CLVS1: variants seen among roughly 807,000 people sequenced by gnomAD.
The protein encoded by CLVS1 is clavesin-1.
CLVS1 carries 10 observed loss-of-function variants against 33.1 expected under a neutral mutation model. That is an observed-to-expected ratio of 0.30 (90% confidence interval 0.19 to 0.51). The LOEUF (loss-of-function observed/expected upper bound fraction) is 0.51, where lower values mean the gene tolerates loss of function less well. Ranked by LOEUF, CLVS1 falls within the 20% of genes least tolerant of loss-of-function variation. The probability of loss-of-function intolerance (pLI) is 0.97; values close to 1 mark genes in which losing one functional copy is unlikely to be tolerated. For missense variants in CLVS1, 343 were observed against 433.4 expected (o/e 0.79, Z 1.85); for synonymous variants, 163 against 166.1 (o/e 0.98, Z 0.14).
chr8:61,068,285 A>G (rs181027172), intron 1 of CLVS1, among the ~76,000 whole-genome samples: 60 of 149,992 alleles, frequency 4.0e-4, no homozygotes, highest in East Asian at 3.5e-3. Flanking sequence ...ACATATCAAA[A>G]AGCTACCACT....
chr8:61,036,525 G>A, the CLVS1 span, among the ~76,000 whole-genome samples: 2 of 152,176 alleles, frequency 1.3e-5, no homozygotes, highest in African/African-American at 4.8e-5. Context: ...CGTTGACTAT[G>A]GCTTGACTTT....
chr8:61,376,798 C>T lies in CLVS1; in HGVS notation c.630+19C>T, dbSNP rs954414007. On this transcript the variant is annotated intron_variant, in intron 3 of 5. Transcript: ENST00000325897. ...GTTGCAGGTATGTTCAATGAATGCG[C>T]AATACAAGACCATGTGTGGCAACAT... 9 of 1,582,088 alleles carry T rather than the reference C, an allele frequency of 5.7e-6. No homozygotes were observed. The highest frequency in any genetic ancestry group is 1.3e-5 in the African/African-American group (1 of 74,146).
chr8:61,065,247 A>G (rs2129278862), intron 1 of CLVS1, among the ~76,000 whole-genome samples: 1 of 152,354 alleles, frequency 6.6e-6, no homozygotes, highest in East Asian at 1.9e-4. Flanking sequence ...AACACAATGT[A>G]TTAGATAATG....
chr8:61,459,519 A>G (rs1817290697), intron 5 of CLVS1, among the ~76,000 whole-genome samples: 2 of 139,224 alleles, frequency 1.4e-5, no homozygotes, highest in Non-Finnish European at 3.1e-5. Flanking sequence ...CTTCCCCCCA[A>G]GTCCCCAAAG....
intron 3 of CLVS1, among the ~76,000 whole-genome samples, chr8:61,423,066 T>C (rs1815743480): frequency 6.6e-6 from 1 of 152,058 alleles, no homozygotes; most frequent in Admixed American, 6.5e-5. Context: ...GCTACAAGGA[T>C]CAAAGTGCAT....
intron 5 of CLVS1, among the ~76,000 whole-genome samples, chr8:61,489,577 G>A (rs1007299254): frequency 5.3e-5 from 8 of 152,174 alleles, no homozygotes; most frequent in African/African-American, 1.9e-4. Context: ...AGATTGTCGT[G>A]AAGATTAAAT....
chr8:61,004,211 G>A, the CLVS1 span, among the ~76,000 whole-genome samples: 1 of 152,212 alleles, frequency 6.6e-6, no homozygotes, highest in African/African-American at 2.4e-5. Context: ...AGAAAGCCTC[G>A]GGTGGGTGTT....
intron 1 of CLVS1, among the ~76,000 whole-genome samples, chr8:61,090,307 C>T (rs1805213744): frequency 6.6e-6 from 1 of 152,200 alleles, no homozygotes; most frequent in South Asian, 2.1e-4. Context: ...CTTCAGAAGT[C>T]ACGTGTACTT....
intron 3 of CLVS1, among the ~76,000 whole-genome samples, chr8:61,422,429 A>G (rs1815715692): frequency 6.6e-6 from 1 of 152,234 alleles, no homozygotes; most frequent in Non-Finnish European, 1.5e-5. Context: ...GGACAAATAA[A>G]TAAATAATTA....
chr8:61,077,211 C>T (rs1351864226), intron 1 of CLVS1, among the ~76,000 whole-genome samples: 20 of 148,586 alleles, frequency 1.3e-4, no homozygotes, highest in Non-Finnish European at 4.5e-5. Context: ...GTAGCTGGGA[C>T]TACAGGCGCC....
At chr8:61,409,320 C>G (rs1262095369) in intron 3 of CLVS1, among the ~76,000 whole-genome samples, 1 of 152,074 alleles carries the variant, frequency 6.6e-6, no homozygotes, top group Non-Finnish European at 1.5e-5. Flanking sequence ...GTTACATAAA[C>G]AGAAGTATAT....
At chr8:61,471,175 T>C (rs899098901) in intron 5 of CLVS1, among the ~76,000 whole-genome samples, 2 of 152,230 alleles carry the variant, frequency 1.3e-5, no homozygotes, top group Non-Finnish European at 2.9e-5. Context: ...GGGCAGGCCA[T>C]GTAACCTTGC....
chr8:61,175,943 G>A (rs564154664), intron 2 of CLVS1, among the ~76,000 whole-genome samples: 38 of 152,202 alleles, frequency 2.5e-4, no homozygotes, highest in African/African-American at 9.2e-4. Flanking sequence ...CTTGTAAGGG[G>A]GCAAGAAGTT....
chr8:61,085,922 G>A (rs1332333955), intron 1 of CLVS1, among the ~76,000 whole-genome samples: 3 of 151,648 alleles, frequency 2.0e-5, no homozygotes, highest in African/African-American at 7.3e-5. Context: ...TGTAGTCCCA[G>A]CTGCTCGGGA....
At chr8:61,131,029 A>G (rs1806084872) in intron 1 of CLVS1, among the ~76,000 whole-genome samples, 1 of 152,080 alleles carries the variant, frequency 6.6e-6, no homozygotes, top group Non-Finnish European at 1.5e-5. Flanking sequence ...CTTCGAGGTT[A>G]TTTTTCTATG....
chr8:60,984,616 C>A, the CLVS1 span, among the ~76,000 whole-genome samples: 3 of 152,200 alleles, frequency 2.0e-5, no homozygotes, highest in African/African-American at 7.2e-5. Flanking sequence ...GCGTGAGCCA[C>A]CGTGCCTGGC....
the CLVS1 span, among the ~76,000 whole-genome samples, chr8:61,033,034 AAAG>A: frequency 8.3e-6 from 1 of 120,160 alleles, no homozygotes; most frequent in African/African-American, 3.2e-5. Context: ...AGAAAGAAAG[AAAG>A]AAAGAAAGAA....
At chr8:61,319,951 T>C (rs185492238) in intron 2 of CLVS1, among the ~76,000 whole-genome samples, 9 of 152,256 alleles carry the variant, frequency 5.9e-5, no homozygotes, top group African/African-American at 2.2e-4. Context: ...TTGCATATGG[T>C]CTGTCATAAG....
intron 1 of CLVS1, among the ~76,000 whole-genome samples, chr8:61,059,471 C>CATATAT (rs1292747857): frequency 2.6e-4 from 6 of 22,988 alleles, no homozygotes; most frequent in African/African-American, 6.6e-4. Context: ...TACATACATA[C>CATATAT]ATACATATAT....
Sources: allele counts gnomAD v4.1 joint callset (sites outside exome capture counted in the v4.1 genomes callset), GRCh38; gene constraint gnomAD v4.1.1; transcripts MANE v1.5; gene names NCBI Gene and HGNC (gene_info 2026-07-23, HGNC 2026-07-21).